The following LRP6 variants were observed in gnomAD, a reference collection of about 807,000 sequenced individuals.
The protein encoded by LRP6 is low-density lipoprotein receptor-related protein 6.
LRP6 carries 43 observed loss-of-function variants against 184.1 expected under a neutral mutation model. The ratio of observed to expected loss-of-function variants is 0.23; its 90% CI spans 0.18 to 0.30. The LOEUF (loss-of-function observed/expected upper bound fraction) is 0.30, where lower values mean the gene tolerates loss of function less well. Ranked by LOEUF, LRP6 falls within the 10% of genes least tolerant of loss-of-function variation. The probability of loss-of-function intolerance (pLI) is 1.00; values close to 1 mark genes in which losing one functional copy is unlikely to be tolerated. For missense variants in LRP6, 1,571 were observed against 2,005.3 expected (o/e 0.78, Z 4.14); for synonymous variants, 719 against 684.9 (o/e 1.05, Z -0.78).
rs530768454 is a variant in LRP6, at chr12:12,155,790, A to G, written c.2791+3039T>C. 83 of 824,822 alleles carry G rather than the reference A, an allele frequency of 1.0e-4. 1 individual carries two copies. In the South Asian group the frequency reaches 1.1e-3, roughly 11 times the overall value. 51.1% of individuals were successfully genotyped at this position (824,822 alleles called of 1,614,324 possible). On this transcript the variant is annotated intron_variant, in intron 12 of 22. Transcript: ENST00000261349. The stretch of plus-strand genomic sequence containing the variant: ...TGGCATAATAGGTGTTAAAAAAATA[A>G]AAGACTTCTGGACTGTTAAAAAAAA...
intron 2 of LRP6, among the ~76,000 whole-genome samples, chr12:12,241,165 C>A (rs1322888476): frequency 6.6e-6 from 1 of 152,092 alleles, no homozygotes; most frequent in Non-Finnish European, 1.5e-5. Flanking sequence ...TTTCCCTTTA[C>A]GTAAGTTGCT....
At chr12:12,205,492 A>T (rs1008073152) in intron 2 of LRP6, among the ~76,000 whole-genome samples, 1 of 152,210 alleles carries the variant, frequency 6.6e-6, no homozygotes, top group Non-Finnish European at 1.5e-5. Context: ...ATGCATACTG[A>T]TGTCTCCACT....
chr12:12,206,603 A>G (rs560527211), intron 2 of LRP6, among the ~76,000 whole-genome samples: 5 of 151,930 alleles, frequency 3.3e-5, no homozygotes, highest in Non-Finnish European at 7.4e-5. Flanking sequence ...AAGGCACTTT[A>G]AGACTTTTAA....
At chr12:12,145,058 TAA>T (rs1018626947) in intron 15 of LRP6, among the ~76,000 whole-genome samples, 5 of 148,456 alleles carry the variant, frequency 3.4e-5, no homozygotes, top group Non-Finnish European at 3.0e-5. Flanking sequence ...AACTTATAAT[TAA>T]AAAAAAAACT....
At position 12,120,040 on chromosome 12, in the gene LRP6, TATAA is replaced by T. The variant is rs1373979611; in HGVS notation, c.*1082_*1085del. ...ATATATATATATATATATATATATATATAAATGATTTCGTACTGTGATATATGCT... is the reference window on the plus strand; with the variant it reads ...ATATATATATATATATATATATATATATGATTTCGTACTGTGATATATGCT... On this transcript the variant is annotated 3_prime_UTR_variant, in exon 23 of 23. Transcript: ENST00000261349. The T allele has an allele frequency of 1.4e-4, 16 of 113,616 alleles. No homozygotes were observed. Among genetic ancestry groups the T allele is most frequent in the East Asian group, 8.2e-4 (3 of 3,666 alleles). The allele number at this position is 113,616 out of a possible 1,614,324, so 7.0% of individuals were successfully genotyped here. A position where few individuals can be genotyped will look rare whatever the true frequency, so the allele number is the denominator to read the frequency against.
At chr12:12,130,189 C>CT (rs71435892) in intron 19 of LRP6, among the ~76,000 whole-genome samples, 6,608 of 139,098 alleles carry the variant, frequency 0.048, 415 homozygotes, top group African/African-American at 0.15. Context: ...GAATTCTTTT[C>CT]TTTTTTTTTT....
At chr12:12,145,331 A>T (rs1468759799) in intron 15 of LRP6, among the ~76,000 whole-genome samples, 1 of 152,182 alleles carries the variant, frequency 6.6e-6, no homozygotes, top group East Asian at 1.9e-4. Flanking sequence ...AGACATTAAA[A>T]AAAATGTGAA....
At chr12:12,223,192 A>AC (rs1864535222) in intron 2 of LRP6, among the ~76,000 whole-genome samples, 3 of 151,770 alleles carry the variant, frequency 2.0e-5, no homozygotes, top group Admixed American at 2.0e-4. Context: ...AAAAAAAAAA[A>AC]AAACCAGGAC....
chr12:12,213,780 G>A (rs1298706415), intron 2 of LRP6, among the ~76,000 whole-genome samples: 2 of 151,594 alleles, frequency 1.3e-5, no homozygotes, highest in South Asian at 2.1e-4. Flanking sequence ...AAATTGTAAC[G>A]TACAGTATTT....
At chr12:12,206,403 C>T (rs1273686916) in intron 2 of LRP6, among the ~76,000 whole-genome samples, 1 of 151,872 alleles carries the variant, frequency 6.6e-6, no homozygotes, top group Non-Finnish European at 1.5e-5. Flanking sequence ...ATTAGCCAGG[C>T]GTGGTGGCAG....
intron 2 of LRP6, among the ~76,000 whole-genome samples, chr12:12,220,120 T>TC (rs1864449781): frequency 6.6e-6 from 1 of 151,902 alleles, no homozygotes; most frequent in Non-Finnish European, 1.5e-5. Context: ...AAACCCTGTC[T>TC]CTACTAAAAA....
intron 7 of LRP6, among the ~76,000 whole-genome samples, chr12:12,176,480 C>A (rs980767963): frequency 6.6e-6 from 1 of 152,076 alleles, no homozygotes; most frequent in African/African-American, 2.4e-5. Flanking sequence ...TACGCTCAAT[C>A]CCTCCTTCCC....
At chr12:12,227,407 TC>T (rs1353723761) in intron 2 of LRP6, among the ~76,000 whole-genome samples, 1 of 150,766 alleles carries the variant, frequency 6.6e-6, no homozygotes, top group East Asian at 1.9e-4. Context: ...AACTTTCTTT[TC>T]CTTTTTTTTT....
chr12:12,145,718 G>A (rs1197706340), intron 15 of LRP6, among the ~76,000 whole-genome samples: 2 of 138,544 alleles, frequency 1.4e-5, no homozygotes, highest in South Asian at 2.3e-4. Context: ...TGCAACCACC[G>A]CCTCCCATGT....
At chr12:12,191,001 G>A (rs1863597846) in intron 3 of LRP6, among the ~76,000 whole-genome samples, 1 of 152,174 alleles carries the variant, frequency 6.6e-6, no homozygotes, top group African/African-American at 2.4e-5. Context: ...CAGCCATTAA[G>A]ATATGACTGA....
intron 15 of LRP6, among the ~76,000 whole-genome samples, chr12:12,139,231 A>G (rs1045442376): frequency 1.3e-5 from 2 of 152,246 alleles, no homozygotes; most frequent in East Asian, 1.9e-4. Flanking sequence ...TCAGTCAAAC[A>G]AAGACATTAG....
At chr12:12,161,330 C>T (rs1402297135) in intron 10 of LRP6, among the ~76,000 whole-genome samples, 1 of 152,022 alleles carries the variant, frequency 6.6e-6, no homozygotes, top group African/African-American at 2.4e-5. Flanking sequence ...TGCAGTGGCA[C>T]GATCTCGGCT....
chr12:12,155,724 G>A, intron 12 of LRP6: 1 of 1,052,302 alleles, frequency 9.5e-7, no homozygotes, highest in Non-Finnish European at 1.5e-6. Context: ...GAACCAGTGG[G>A]AAGGAGCCTG....
chr12:12,236,669 C>T (rs1217353396), intron 2 of LRP6, among the ~76,000 whole-genome samples: 1 of 152,206 alleles, frequency 6.6e-6, no homozygotes, highest in Non-Finnish European at 1.5e-5. Flanking sequence ...TGGATGTTCC[C>T]ACAATCCCCT....
Sources: gnomAD v4.1 joint callset for allele counts (sites outside exome capture counted in the v4.1 genomes callset) on GRCh38, gnomAD v4.1.1 for gene constraint, MANE v1.5 for transcripts, NCBI Gene and HGNC (gene_info 2026-07-23, HGNC 2026-07-21) for gene names.